The following KIF26B variants were observed in gnomAD, a reference collection of about 807,000 sequenced individuals.
KIF26B encodes the protein kinesin-like protein KIF26B.
A neutral mutation model predicts 151.2 loss-of-function variants in KIF26B; 63 were observed. The observed-to-expected ratio is 0.42, with a 90% CI of 0.34 to 0.51. KIF26B has a LOEUF of 0.51. Ranked by LOEUF, KIF26B falls within the 20% of genes least tolerant of loss-of-function variation. KIF26B has a pLI of 0.07. For missense variants in KIF26B, 2,813 were observed against 2,913.6 expected (o/e 0.97, Z 0.79); for synonymous variants, 1,357 against 1,262.1 (o/e 1.08, Z -1.59).
intron 2 of KIF26B, among the ~76,000 whole-genome samples, chr1:245,355,255 G>C (rs945262610): frequency 6.6e-6 from 1 of 152,084 alleles, no homozygotes; most frequent in African/African-American, 2.4e-5. Context: ...CTGGGATGCG[G>C]GGTGCTGCTC....
intron 2 of KIF26B, among the ~76,000 whole-genome samples, chr1:245,266,569 G>A (rs945698822): frequency 3.3e-5 from 5 of 151,336 alleles, no homozygotes; most frequent in Admixed American, 2.0e-4. Flanking sequence ...GTGCAGTGGC[G>A]CAATCTTGGC....
At chr1:245,632,137 G>A (rs948514155) in intron 9 of KIF26B, among the ~76,000 whole-genome samples, 5 of 151,914 alleles carry the variant, frequency 3.3e-5, no homozygotes, top group Non-Finnish European at 7.4e-5. Flanking sequence ...TTGTCTATTT[G>A]AAATCTTTCT....
rs924984658 is a variant in KIF26B, at chr1:245,269,468, G to T, written c.466-97366G>T. On this transcript the variant is annotated intron_variant, in intron 2 of 14. Coordinates refer to ENST00000407071, the MANE Select transcript of KIF26B (RefSeq NM_018012.4). The stretch of plus-strand genomic sequence containing the variant: ...TGTAGTGACAGGATTTCCTTTTTTT[G>T]TTTTTTGTTTTTTTGAGACGGAGGT... 6.2e-4 allele frequency among the ~76,000 whole-genome samples: 94 copies of T among 151,142 alleles called. 1 individual carries two copies. Among genetic ancestry groups the T allele is most frequent in the African/African-American group, 2.0e-3 (84 of 41,170 alleles).
At chr1:245,697,568 C>T (rs371628081) in intron 12 of KIF26B, among the ~76,000 whole-genome samples, 4 of 152,182 alleles carry the variant, frequency 2.6e-5, no homozygotes, top group South Asian at 2.1e-4. Context: ...AACTAGGAGG[C>T]GGTTCTAAAG....
At chr1:245,410,106 G>C (rs1028260133) in intron 3 of KIF26B, among the ~76,000 whole-genome samples, 10 of 152,316 alleles carry the variant, frequency 6.6e-5, no homozygotes, top group Non-Finnish European at 1.5e-4. Context: ...CAAAGAGTTG[G>C]GTTTGTGTGG....
At chr1:245,212,894 G>T (rs1669573340) in intron 2 of KIF26B, among the ~76,000 whole-genome samples, 1 of 152,196 alleles carries the variant, frequency 6.6e-6, no homozygotes, top group African/African-American at 2.4e-5. Context: ...TAATTACAAA[G>T]GATTCTAGAC....
In KIF26B at chr1:245,688,155, G is replaced by C. The variant is rs758215890; in HGVS notation, c.5172G>C (p.Ser1724=). The part of the protein sequence containing the change: ...AGTSPPSSGA[S]PKAGQSKISA... ...CCTCGCCCCCCAGCTCCGGGGCCTC[G>C]CCCAAGGCCGGCCAGTCCAAGATCT... The change falls in exon 12 of 15, where the codon TCG becomes TCC. Residue 1724 remains serine (S), a synonymous_variant. Coordinates refer to ENST00000407071, the MANE Select transcript of KIF26B (RefSeq NM_018012.4). 1 of 1,595,882 alleles carries C rather than the reference G, an allele frequency of 6.3e-7. No individual in the cohort carries two copies. The highest frequency in any genetic ancestry group is 8.5e-7 in the Non-Finnish European group (1 of 1,177,670).
At chr1:245,271,707 C>T (rs1332977532) in intron 2 of KIF26B, among the ~76,000 whole-genome samples, 1 of 151,740 alleles carries the variant, frequency 6.6e-6, no homozygotes, top group Non-Finnish European at 1.5e-5. Flanking sequence ...GGGATAAATC[C>T]CACTTGACCA....
At chr1:245,178,341 T>C (rs1165745405) in intron 2 of KIF26B, among the ~76,000 whole-genome samples, 3 of 152,200 alleles carry the variant, frequency 2.0e-5, no homozygotes, top group Admixed American at 2.0e-4. Flanking sequence ...GAGCGGTGTC[T>C]TTTGGGCTTT....
intron 5 of KIF26B, among the ~76,000 whole-genome samples, chr1:245,543,732 G>A (rs1297633222): frequency 2.6e-5 from 4 of 152,064 alleles, no homozygotes; most frequent in African/African-American, 7.2e-5. Flanking sequence ...GGCGGATCAC[G>A]AGGTCAGGGG....
intron 2 of KIF26B, among the ~76,000 whole-genome samples, chr1:245,272,429 G>C (rs1670868604): frequency 6.6e-6 from 1 of 152,008 alleles, no homozygotes; most frequent in Non-Finnish European, 1.5e-5. Context: ...ACAAAAAACA[G>C]ATCATTAATT....
chr1:245,368,028 A>G (rs1477085864), intron 3 of KIF26B, among the ~76,000 whole-genome samples: 1 of 152,176 alleles, frequency 6.6e-6, no homozygotes, highest in Non-Finnish European at 1.5e-5. Context: ...AGTGCTGGAC[A>G]TTGCTGAGAA....
intron 2 of KIF26B, among the ~76,000 whole-genome samples, chr1:245,243,303 T>C (rs1008246949): frequency 1.1e-4 from 16 of 152,292 alleles, no homozygotes; most frequent in South Asian, 2.1e-4. Context: ...CCTGGTGAGA[T>C]TGACCATCTT....
At chr1:245,366,328 T>C (rs1052712103) in intron 2 of KIF26B, among the ~76,000 whole-genome samples, 3 of 152,160 alleles carry the variant, frequency 2.0e-5, no homozygotes, top group South Asian at 4.2e-4. Flanking sequence ...GTCAGGAGAT[T>C]GAGACCATCC....
At chr1:245,537,247 T>C (rs1448063709) in intron 4 of KIF26B, among the ~76,000 whole-genome samples, 1 of 152,130 alleles carries the variant, frequency 6.6e-6, no homozygotes, top group East Asian at 1.9e-4. Context: ...GCAAAGGCCC[T>C]GAGATGGGGA....
At chr1:245,503,490 T>A (rs1660664925) in intron 4 of KIF26B, among the ~76,000 whole-genome samples, 1 of 152,238 alleles carries the variant, frequency 6.6e-6, no homozygotes, top group Non-Finnish European at 1.5e-5. Flanking sequence ...GTATCTGACC[T>A]TTTATTTTTT....
intron 2 of KIF26B, among the ~76,000 whole-genome samples, chr1:245,347,698 T>A (rs992011830): frequency 6.6e-6 from 1 of 152,230 alleles, no homozygotes; most frequent in Non-Finnish European, 1.5e-5. Context: ...CTCATCTCTA[T>A]CCTCTCTTGA....
rs368463171 is a variant in KIF26B, at chr1:245,698,286, G to A, written c.6005G>A (p.Arg2002Gln). 26 of 1,613,366 alleles carry A rather than the reference G, an allele frequency of 1.6e-5. No individual in the cohort carries two copies. Among genetic ancestry groups the A allele is most frequent in the Middle Eastern group, 1.7e-4 (1 of 6,060 alleles). Reference protein sequence around the residue: ...YEIDDVERLQRRRGGASKEAM... With the variant: ...YEIDDVERLQQRRGGASKEAM... ...ATCGATGACGTGGAGCGCCTGCAGC[G>A]GCGACGAGGGGGTGCCAGCAAGGTG... The change falls in exon 13 of 15, where the codon CGG (arginine) becomes CAG (glutamine). Residue 2002 changes from arginine to glutamine, a missense_variant. Arg to Gln is a conservative substitution (Grantham distance 43, BLOSUM62 1). Coordinates refer to ENST00000407071, the MANE Select transcript of KIF26B (RefSeq NM_018012.4). The surrounding 1 kb of genome is among the most constrained non-coding windows in gnomAD (Gnocchi z 4.0).
intron 4 of KIF26B, among the ~76,000 whole-genome samples, chr1:245,517,529 T>C (rs1229274702): frequency 3.3e-5 from 5 of 152,114 alleles, no homozygotes; most frequent in African/African-American, 1.2e-4. Flanking sequence ...GTAGACCAAA[T>C]GGAGGGCAGG....
Sources: allele counts gnomAD v4.1 joint callset (sites outside exome capture counted in the v4.1 genomes callset), GRCh38; gene constraint gnomAD v4.1.1; non-coding constraint Gnocchi (gnomAD v3.1); transcripts MANE v1.5; gene names NCBI Gene and HGNC (gene_info 2026-07-23, HGNC 2026-07-21).